Variants in PRKD1 observed in about 807,000 individuals in gnomAD.
PRKD1 encodes protein kinase D1.
A neutral mutation model predicts 95.9 loss-of-function variants in PRKD1; 63 were observed. The observed-to-expected ratio is 0.66, with a 90% CI of 0.54 to 0.81. The LOEUF is 0.81. Among genes scored for constraint, PRKD1 ranks in the 30% least tolerant of loss-of-function variants. The probability of loss-of-function intolerance (pLI) is 0.00; values close to 1 mark genes in which losing one functional copy is unlikely to be tolerated. For synonymous variants in PRKD1, 425 were observed against 423.1 expected (o/e 1.00, Z -0.05); for missense variants, 1,048 against 1,165.3 (o/e 0.90, Z 1.47).
chr14:29,677,673 T>G (rs1263987396), intron 2 of PRKD1, among the ~76,000 whole-genome samples: 1 of 152,170 alleles, frequency 6.6e-6, no homozygotes, highest in Non-Finnish European at 1.5e-5. Flanking sequence ...CTTCCCAGGT[T>G]AAGTGATTCT....
At position 29,841,726 on chromosome 14, in the gene PRKD1, T is replaced by C. The variant is rs1039202140; in HGVS notation, c.264+85523A>G. ...TGAAAAGAGACTAATACAAAGGCTA[T>C]ACTAACTTTATTTTTAAATTTTTTC... On this transcript the variant is annotated intron_variant, in intron 1 of 17. Coordinates refer to ENST00000331968, the MANE Select transcript of PRKD1 (RefSeq NM_002742.3). Among the ~76,000 whole-genome samples, 15 of 152,080 alleles carry C rather than the reference T, an allele frequency of 9.9e-5. No homozygotes were observed. In the East Asian group the frequency reaches 2.5e-3, roughly 25 times the overall value.
chr14:29,851,910 A>G lies in PRKD1; in HGVS notation c.264+75339T>C, dbSNP rs556728411. ...GAATACTACACAGCCATAAAAAAGA[A>G]CAAAATCATGTCCTTTGCAGCAACA... On this transcript the variant is annotated intron_variant, in intron 1 of 17. Coordinates refer to ENST00000331968, the MANE Select transcript of PRKD1 (RefSeq NM_002742.3). 3.3e-5 allele frequency among the ~76,000 whole-genome samples: 5 copies of G among 152,292 alleles called. No individual in the cohort carries two copies. The South Asian group carries it at 1.0e-3, about 32-fold the overall frequency.
At chr14:29,830,631 G>A (rs894169931) in intron 1 of PRKD1, among the ~76,000 whole-genome samples, 34 of 151,606 alleles carry the variant, frequency 2.2e-4, no homozygotes, top group Admixed American at 4.6e-4. Context: ...AGCACAACTG[G>A]GAGTCATAAA....
chr14:29,863,781 T>C (rs1892789673), intron 1 of PRKD1, among the ~76,000 whole-genome samples: 1 of 152,182 alleles, frequency 6.6e-6, no homozygotes, highest in African/African-American at 2.4e-5. Flanking sequence ...GTTTGGATAA[T>C]GTCCATTATA....
intron 13 of PRKD1, among the ~76,000 whole-genome samples, chr14:29,605,393 C>T (rs1435351451): frequency 6.6e-6 from 1 of 152,150 alleles, no homozygotes; most frequent in Non-Finnish European, 1.5e-5. Flanking sequence ...CAAATATCCA[C>T]CCTTTTTGCC....
At chr14:29,784,999 C>T (rs1594516506) in intron 1 of PRKD1, among the ~76,000 whole-genome samples, 2 of 152,106 alleles carry the variant, frequency 1.3e-5, no homozygotes, top group South Asian at 2.1e-4. Context: ...ATGTGAAGAG[C>T]CAAATTCCAT....
intron 16 of PRKD1, among the ~76,000 whole-genome samples, chr14:29,594,384 G>A (rs1893229506): frequency 6.6e-6 from 1 of 152,182 alleles, no homozygotes; most frequent in African/African-American, 2.4e-5. Flanking sequence ...GCCAGGGCAA[G>A]TGCTTGGTGT....
intron 1 of PRKD1, among the ~76,000 whole-genome samples, chr14:29,730,650 T>G (rs551824144): frequency 6.6e-6 from 1 of 151,958 alleles, no homozygotes; most frequent in Non-Finnish European, 1.5e-5. Flanking sequence ...TAAATATATA[T>G]AGAAAATGTG....
intron 2 of PRKD1, among the ~76,000 whole-genome samples, chr14:29,679,916 T>G (rs1458179863): frequency 6.6e-6 from 1 of 151,936 alleles, no homozygotes; most frequent in Non-Finnish European, 1.5e-5. Flanking sequence ...AAGGTACAAA[T>G]CTTGGCTTGA....
chr14:29,672,346 A>T (rs181775997), intron 2 of PRKD1, among the ~76,000 whole-genome samples: 5,037 of 151,604 alleles, frequency 0.033, 244 homozygotes, highest in African/African-American at 0.11. Context: ...GTCTCAAAAA[A>T]AAAATAAAAT....
At chr14:29,858,713 C>T (rs1892597633) in intron 1 of PRKD1, among the ~76,000 whole-genome samples, 1 of 152,114 alleles carries the variant, frequency 6.6e-6, no homozygotes, top group Non-Finnish European at 1.5e-5. Flanking sequence ...ATGGCTTTCC[C>T]TGCTCTTTTT....
intron 13 of PRKD1, among the ~76,000 whole-genome samples, chr14:29,608,220 T>C (rs1363589467): frequency 1.3e-5 from 2 of 152,156 alleles, no homozygotes; most frequent in East Asian, 3.9e-4. Flanking sequence ...TTTGTGAAGA[T>C]GTATAGGGCT....
chr14:29,775,163 G>C (rs536092517), intron 1 of PRKD1, among the ~76,000 whole-genome samples: 1 of 152,144 alleles, frequency 6.6e-6, no homozygotes, highest in South Asian at 2.1e-4. Flanking sequence ...TGAGAGGACC[G>C]AGAGGTTCCA....
At chr14:29,828,274 G>T (rs1173585814) in intron 1 of PRKD1, among the ~76,000 whole-genome samples, 1 of 152,206 alleles carries the variant, frequency 6.6e-6, no homozygotes, top group Non-Finnish European at 1.5e-5. Flanking sequence ...TACAATCATG[G>T]CAGAAGGCAA....
chr14:29,769,561 G>C (rs149161352), intron 1 of PRKD1, among the ~76,000 whole-genome samples: 39 of 151,714 alleles, frequency 2.6e-4, no homozygotes, highest in African/African-American at 8.7e-4. Context: ...CCAGTCTCCC[G>C]AAAAAAATAA....
intron 2 of PRKD1, among the ~76,000 whole-genome samples, chr14:29,712,903 T>C (rs1423133263): frequency 6.6e-6 from 1 of 152,068 alleles, no homozygotes; most frequent in Non-Finnish European, 1.5e-5. Context: ...AAAAGGAATA[T>C]CTGGCAGCTT....
chr14:29,709,954 C>A (rs1401843930), intron 2 of PRKD1, among the ~76,000 whole-genome samples: 1 of 152,136 alleles, frequency 6.6e-6, no homozygotes, highest in Admixed American at 6.6e-5. Context: ...AATTAGCAAT[C>A]CCAGTTGGTT....
At chr14:29,759,930 T>C (rs1201642648) in intron 1 of PRKD1, among the ~76,000 whole-genome samples, 1 of 152,180 alleles carries the variant, frequency 6.6e-6, no homozygotes, top group African/African-American at 2.4e-5. Flanking sequence ...ATGTCAACTT[T>C]TTCATATTCA....
At chr14:29,585,116 ACTT>A (rs1212065827) in intron 16 of PRKD1, among the ~76,000 whole-genome samples, 1 of 151,540 alleles carries the variant, frequency 6.6e-6, no homozygotes, top group Non-Finnish European at 1.5e-5. Context: ...AGTGCTTAGT[ACTT>A]CTCTCCCTTT....
Sources: gnomAD v4.1 joint callset for allele counts (sites outside exome capture counted in the v4.1 genomes callset) on GRCh38, gnomAD v4.1.1 for gene constraint, MANE v1.5 for transcripts, NCBI Gene and HGNC (gene_info 2026-07-23, HGNC 2026-07-21) for gene names.